The following DISC1 variants were observed in gnomAD, a reference collection of about 807,000 sequenced individuals.
The protein encoded by DISC1 is DISC1 scaffold protein.
Under a neutral mutation model 84.5 loss-of-function variants are expected in DISC1, and 57 were observed. The observed-to-expected ratio is 0.67, with a 90% CI of 0.55 to 0.84. The LOEUF is 0.84. Among genes scored for constraint, DISC1 ranks in the 40% least tolerant of loss-of-function variants. The pLI is 0.00. For synonymous variants in DISC1, 411 were observed against 415.2 expected, an observed-to-expected ratio of 0.99 and a Z score of 0.12; for missense variants, 1,000 against 1,057.8, an observed-to-expected ratio of 0.95 and a Z score of 0.76.
chr1:231,687,347 G>A (rs963889739), intron 1 of DISC1, among the ~76,000 whole-genome samples: 7 of 152,174 alleles, frequency 4.6e-5, no homozygotes, highest in Non-Finnish European at 1.5e-5. Context: ...GAATCATGGC[G>A]GGAGGTGAAA....
intron 1 of DISC1, among the ~76,000 whole-genome samples, chr1:231,672,146 GT>G (rs1035039915): frequency 2.0e-5 from 3 of 151,798 alleles, no homozygotes; most frequent in East Asian, 3.9e-4. Context: ...CTTAGATTCT[GT>G]TTTTTTTCTC....
At chr1:231,799,105 C>T (rs541053369) in intron 7 of DISC1, among the ~76,000 whole-genome samples, 1 of 151,890 alleles carries the variant, frequency 6.6e-6, no homozygotes, top group South Asian at 2.1e-4. Context: ...TAAAAGATAA[C>T]CTAAAGACAT....
At chr1:231,764,614 G>A (rs1387583678) in intron 4 of DISC1, among the ~76,000 whole-genome samples, 1 of 152,132 alleles carries the variant, frequency 6.6e-6, no homozygotes, top group Non-Finnish European at 1.5e-5. Flanking sequence ...TGGCTGCTTA[G>A]CATTGCTAAG....
At chr1:231,803,764 T>C (rs916370119) in intron 8 of DISC1, among the ~76,000 whole-genome samples, 1 of 151,840 alleles carries the variant, frequency 6.6e-6, no homozygotes, top group Non-Finnish European at 1.5e-5. Context: ...CTGGCTAACA[T>C]GGTGAAACCC....
chr1:231,720,577 C>T (rs1356094172), intron 3 of DISC1, among the ~76,000 whole-genome samples: 3 of 152,108 alleles, frequency 2.0e-5, no homozygotes, highest in African/African-American at 4.8e-5. Flanking sequence ...TGGCCTCAAG[C>T]GATCCTCCCA....
At chr1:231,813,680 C>G (rs895565020) in intron 8 of DISC1, among the ~76,000 whole-genome samples, 6 of 152,160 alleles carry the variant, frequency 3.9e-5, no homozygotes, top group African/African-American at 1.4e-4. Flanking sequence ...ATTTGGGGCA[C>G]TATTGTTTTG....
At chr1:231,772,928 G>C (rs1024588646) in intron 6 of DISC1, among the ~76,000 whole-genome samples, 1 of 152,138 alleles carries the variant, frequency 6.6e-6, no homozygotes, top group African/African-American at 2.4e-5. Flanking sequence ...ATTGTTGCCG[G>C]TTTTCATCCA....
At chr1:231,668,233 G>A (rs1211381198) in intron 1 of DISC1, among the ~76,000 whole-genome samples, 1 of 151,914 alleles carries the variant, frequency 6.6e-6, no homozygotes, top group Non-Finnish European at 1.5e-5. Context: ...TTTGGTGAAA[G>A]CATATAACAT....
Position 232,024,882 on chromosome 1 carries a change from G to A in DISC1, c.2308-1553G>A, listed in dbSNP as rs114797622. Among the ~76,000 whole-genome samples the A allele has an allele frequency of 7.8e-3, 1,188 of 152,186 alleles. 15 individuals are homozygous for A. The highest frequency in any genetic ancestry group is 0.027 in the African/African-American group (1,119 of 41,510). Reference sequence around the variant, plus strand: ...TGGGATTACAGCTGCGAGCCACTGCGTCTGGTCTGCAAAAATTTTTTAGTG... The same window carrying A: ...TGGGATTACAGCTGCGAGCCACTGCATCTGGTCTGCAAAAATTTTTTAGTG... On this transcript the variant is annotated intron_variant, in intron 11 of 12. Coordinates refer to ENST00000439617, the MANE Select transcript of DISC1 (RefSeq NM_018662.3).
At chr1:231,628,919 T>TA (rs144487277) in intron 1 of DISC1, among the ~76,000 whole-genome samples, 3,066 of 152,078 alleles carry the variant, frequency 0.02, 98 homozygotes, top group African/African-American at 0.07. Flanking sequence ...TTTTTTTTTT[T>TA]AGAGTTGGAG....
At chr1:231,888,527 G>A (rs1462678449) in intron 9 of DISC1, among the ~76,000 whole-genome samples, 2 of 151,348 alleles carry the variant, frequency 1.3e-5, no homozygotes, top group East Asian at 3.9e-4. Context: ...GGTGGATCAT[G>A]AGGTCAGGAG....
intron 9 of DISC1, among the ~76,000 whole-genome samples, chr1:231,918,726 G>T (rs1035486777): frequency 6.6e-6 from 1 of 152,150 alleles, no homozygotes; most frequent in Non-Finnish European, 1.5e-5. Flanking sequence ...CTCTTTGCAT[G>T]CTTGCAAGGG....
intron 9 of DISC1, among the ~76,000 whole-genome samples, chr1:231,926,818 G>A (rs1315407550): frequency 6.6e-6 from 1 of 152,294 alleles, no homozygotes; most frequent in Non-Finnish European, 1.5e-5. Flanking sequence ...TGGAGAGAGG[G>A]CTCAAATGTG....
intron 8 of DISC1, among the ~76,000 whole-genome samples, chr1:231,801,086 G>T (rs2079201271): frequency 6.6e-6 from 1 of 152,048 alleles, no homozygotes; most frequent in Non-Finnish European, 1.5e-5. Flanking sequence ...TTTTAAGAAG[G>T]AATACAATAA....
At chr1:231,986,621 A>C (rs557284394) in intron 10 of DISC1, among the ~76,000 whole-genome samples, 2 of 152,202 alleles carry the variant, frequency 1.3e-5, no homozygotes, top group African/African-American at 4.8e-5. Flanking sequence ...TTTGCTACAA[A>C]ATGTCTTTCT....
intron 9 of DISC1, among the ~76,000 whole-genome samples, chr1:231,926,893 T>C (rs942671610): frequency 6.6e-6 from 1 of 152,236 alleles, no homozygotes; most frequent in African/African-American, 2.4e-5. Flanking sequence ...GAATGAGATT[T>C]TCCCAAGGGG....
At chr1:231,760,089 A>G (rs896486741) in intron 4 of DISC1, among the ~76,000 whole-genome samples, 22 of 152,156 alleles carry the variant, frequency 1.4e-4, no homozygotes, top group African/African-American at 4.1e-4. Flanking sequence ...GGTCATTTCT[A>G]TGAGTGGGAT....
At chr1:231,850,586 C>T (rs139309066) in intron 9 of DISC1, among the ~76,000 whole-genome samples, 12 of 152,098 alleles carry the variant, frequency 7.9e-5, no homozygotes, top group Non-Finnish European at 1.0e-4. Context: ...CGATCCTGTA[C>T]GAATGCAACC....
At chr1:231,927,844 A>G (rs2090437121) in intron 9 of DISC1, among the ~76,000 whole-genome samples, 1 of 152,180 alleles carries the variant, frequency 6.6e-6, no homozygotes, top group South Asian at 2.1e-4. Flanking sequence ...AGTGTCTCCC[A>G]ACACCTATAC....
Sources: allele counts gnomAD v4.1 joint callset (sites outside exome capture counted in the v4.1 genomes callset), GRCh38; gene constraint gnomAD v4.1.1; transcripts MANE v1.5; gene names NCBI Gene and HGNC (gene_info 2026-07-23, HGNC 2026-07-21).